The following TYK2 variants were observed in gnomAD, a reference collection of about 807,000 sequenced individuals.
TYK2 encodes the protein tyrosine kinase 2.
TYK2 carries 65 observed loss-of-function variants against 130.9 expected under a neutral mutation model. The observed-to-expected ratio is 0.50, with a 90% CI of 0.41 to 0.61. The LOEUF is 0.61. TYK2 is among the 20% of genes least tolerant of loss of function. TYK2 has a pLI of 0.00. For missense variants in TYK2, 1,378 were observed against 1,610.7 expected (o/e 0.86, Z 2.47); for synonymous variants, 647 against 658.9 (o/e 0.98, Z 0.28).
Position 10,361,107 on chromosome 19 carries a change from G to T in TYK2, c.2047+404C>A. 1 of 488,876 alleles carries T rather than the reference G, an allele frequency of 2.0e-6. No individual in the cohort carries two copies. The highest frequency in any genetic ancestry group is 1.6e-5 in the South Asian group (1 of 63,112). The allele number at this position is 488,876 out of a possible 1,614,324, so 30.3% of individuals were successfully genotyped here. A position where few individuals can be genotyped will look rare whatever the true frequency, so the allele number is the denominator to read the frequency against. The stretch of plus-strand genomic sequence containing the variant: ...GAAAGGAAGAGGTGGGGTTAGGCAG[G>T]GTTGGATGTGCAGGGGCTGAGGCCT... On this transcript the variant is annotated intron_variant, in intron 14 of 24. Coordinates refer to ENST00000525621, the MANE Select transcript of TYK2 (RefSeq NM_003331.5). This position sits in a 1 kb window ranked among gnomAD's most constrained non-coding sequence, Gnocchi z 4.0.
intron 3 of TYK2, among the ~76,000 whole-genome samples, chr19:10,371,390 C>T (rs928668728): frequency 2.0e-5 from 3 of 152,010 alleles, no homozygotes; most frequent in Non-Finnish European, 2.9e-5. Context: ...CCTGTAATCC[C>T]AGCACTTTGG....
At chr19:10,358,847 G>A (rs1410170606) in intron 15 of TYK2, among the ~76,000 whole-genome samples, 1 of 151,632 alleles carries the variant, frequency 6.6e-6, no homozygotes, top group African/African-American at 2.4e-5. Flanking sequence ...GATGGATCAC[G>A]AGGTCAGAAG....
intron 3 of TYK2, among the ~76,000 whole-genome samples, chr19:10,372,484 A>ATATATATT (rs1390400916): frequency 2.9e-4 from 11 of 37,424 alleles, no homozygotes; most frequent in African/African-American, 1.2e-3. Flanking sequence ...ATATATATAT[A>ATATATATT]TTTTTTTTTT....
intron 2 of TYK2, among the ~76,000 whole-genome samples, chr19:10,379,362 A>G (rs1599371353): frequency 6.7e-6 from 1 of 150,054 alleles, no homozygotes; most frequent in East Asian, 1.9e-4. Flanking sequence ...ATAAATAAGT[A>G]ATAAAAATAT....
intron 3 of TYK2, among the ~76,000 whole-genome samples, chr19:10,370,805 AG>A (rs1362631059): frequency 6.6e-6 from 1 of 152,088 alleles, no homozygotes; most frequent in Non-Finnish European, 1.5e-5. Flanking sequence ...TGAAAGAGTG[AG>A]GCTCTGTCTA....
Position 10,350,726 on chromosome 19 carries a change from G to A in TYK2, c.*108C>T. 3 of 1,361,504 alleles carry A rather than the reference G, an allele frequency of 2.2e-6. No individual in the cohort carries two copies. Among genetic ancestry groups the A allele is most frequent in the Non-Finnish European group, 2.1e-6 (2 of 974,636 alleles). The allele number at this position is 1,361,504 out of a possible 1,614,324, so 84.3% of individuals were successfully genotyped here. A position where few individuals can be genotyped will look rare whatever the true frequency, so the allele number is the denominator to read the frequency against. ...AGACAGGAGTAAGGCACACGGTGTGGGTGAGGCTGACATCCCCCTCTTGGT... is the reference window on the plus strand; with the variant it reads ...AGACAGGAGTAAGGCACACGGTGTGAGTGAGGCTGACATCCCCCTCTTGGT... On this transcript the variant is annotated 3_prime_UTR_variant, in exon 25 of 25. Transcript: ENST00000525621.
rs2040901794 is a variant in TYK2, at chr19:10,353,187, GA to G, written c.3028-90del. On this transcript the variant is annotated intron_variant, in intron 21 of 24. Coordinates refer to ENST00000525621, the MANE Select transcript of TYK2 (RefSeq NM_003331.5). The surrounding 1 kb of genome is among the most constrained non-coding windows in gnomAD (Gnocchi z 6.9). Reference sequence around the variant, plus strand: ...ACCTGAGCAGCCAGGAGGGCTGGGGGACAGTCAGGTCAGGCCGGTGGCTACC... The same window carrying G: ...ACCTGAGCAGCCAGGAGGGCTGGGGGCAGTCAGGTCAGGCCGGTGGCTACC... 8.1e-7 allele frequency: 1 copy of G among 1,240,638 alleles called. No homozygotes were observed. The highest frequency in any genetic ancestry group is 1.1e-6 in the Non-Finnish European group (1 of 933,090). 76.9% of individuals were successfully genotyped at this position (1,240,638 alleles called of 1,614,324 possible).
At chr19:10,354,287 C>G in intron 19 of TYK2, 53 bp from the exon 20 acceptor site, 1 of 1,592,582 alleles carries the variant, frequency 6.3e-7, no homozygotes, top group Non-Finnish European at 8.5e-7. Context: ...CTGCACCACT[C>G]CCCAACCCCC....
In TYK2 at chr19:10,361,956, C is replaced by T. The variant is rs1379679339; in HGVS notation, c.1774-1G>A. The stretch of plus-strand genomic sequence containing the variant: ...TTGTGCCCTGGCCCAAGTGGGACAG[C>T]TGCGGGATCATGTGGCACAGAATAC... On this transcript the variant is annotated splice_acceptor_variant, in intron 12 of 24. Coordinates refer to ENST00000525621, the MANE Select transcript of TYK2 (RefSeq NM_003331.5). LOFTEE classifies it high-confidence loss of function. This position sits in a 1 kb window ranked among gnomAD's most constrained non-coding sequence, Gnocchi z 4.0. 1 of 1,614,046 alleles carries T rather than the reference C, an allele frequency of 6.2e-7. No homozygotes were observed. Among genetic ancestry groups the T allele is most frequent in the East Asian group, 2.2e-5 (1 of 44,872 alleles).
rs139288588 is a variant in TYK2 at position 10,354,200 on chromosome 19, T to C, written c.2750A>G (p.Asp917Gly). The change falls in exon 20 of 25, where the codon GAT becomes GGT. Residue 917 changes from aspartate to glycine, a missense_variant. Physicochemically the swap from Asp to Gly is moderately conservative, Grantham distance 94. Transcript: ENST00000525621. ...HFGKVSLYCY[D>G]PTNDGTGEMV... Reference sequence around the variant, plus strand: ...CTCGCCAGTGCCGTCGTTGGTCGGATCGTAGCAGTACAAGCTGACCTTGCC... The same window carrying C: ...CTCGCCAGTGCCGTCGTTGGTCGGACCGTAGCAGTACAAGCTGACCTTGCC... 6.2e-7 allele frequency: 1 copy of C among 1,613,524 alleles called. No individual in the cohort carries two copies. Among genetic ancestry groups the C allele is most frequent in the Non-Finnish European group, 8.5e-7 (1 of 1,180,012 alleles).
intron 3 of TYK2, among the ~76,000 whole-genome samples, chr19:10,377,630 G>A: frequency 1.2e-5 from 1 of 80,350 alleles, no homozygotes; most frequent in Non-Finnish European, 2.4e-5. Flanking sequence ...GTGGATGGGT[G>A]GGTGGATGGA....
chr19:10,357,217 C>T, intron 17 of TYK2: 2 of 464,684 alleles, frequency 4.3e-6, no homozygotes, highest in Admixed American at 3.6e-5. Flanking sequence ...AATGAAACCC[C>T]ATCTCTACAA....
At chr19:10,355,747 A>C (rs1399285692) in intron 18 of TYK2, among the ~76,000 whole-genome samples, 1 of 148,444 alleles carries the variant, frequency 6.7e-6, no homozygotes, top group African/African-American at 2.5e-5. Context: ...GTGGATCACG[A>C]GGTCAAGAGA....
intron 3 of TYK2, among the ~76,000 whole-genome samples, chr19:10,372,472 ATATATATATATATTTTTTTTTTTTTT>A (rs1190705354): frequency 1.0e-4 from 6 of 59,236 alleles, no homozygotes; most frequent in African/African-American, 7.3e-4. Flanking sequence ...ATATATATAT[ATATATATATATATTTTTTTTTTTTTT>A]TTTTTTTTTG....
chr19:10,370,802 G>A (rs995886399), intron 3 of TYK2, among the ~76,000 whole-genome samples: 1 of 152,066 alleles, frequency 6.6e-6, no homozygotes, highest in African/African-American at 2.4e-5. Context: ...GGGTGAAAGA[G>A]TGAGGCTCTG....
At position 10,354,003 on chromosome 19, in the gene TYK2, G is replaced by A. The variant is rs758888163; in HGVS notation, c.2908+39C>T. On this transcript the variant is annotated intron_variant, in intron 20 of 24. Transcript: ENST00000525621. ...AAGGCCACACCCACGCTCTAACCAC[G>A]CCCCCTCAAGTCTCTAGGACTCGCC... 2.5e-6 allele frequency: 4 copies of A among 1,603,750 alleles called. No homozygotes were observed. The South Asian group carries it at 3.3e-5, about 13-fold the overall frequency.
At chr19:10,354,018 T>A (rs372200950) in intron 20 of TYK2, 24 bp downstream of exon 20, 1 of 1,611,988 alleles carries the variant, frequency 6.2e-7, no homozygotes, top group Non-Finnish European at 8.5e-7. Context: ...CTCAAGTCTC[T>A]AGGACTCGCC....
Position 10,356,616 on chromosome 19 carries a change from G to A in TYK2, c.2569C>T (p.Pro857Ser), listed in dbSNP as rs1356003138. Residue 857 changes from proline to serine, a missense_variant, in exon 18 of 25, where the codon CCA becomes TCA. Transcript: ENST00000525621. ...TCACGCAGGATGGTGCGGAATGATG[G>A]CCTCTGGGTTGGCTCATAGGTCAGA... is the stretch of plus-strand genomic sequence containing the variant. ...QCLTYEPTQR[P>S]SFRTILRDLT... 2 of 1,613,836 alleles carry A rather than the reference G, an allele frequency of 1.2e-6. No individual in the cohort carries two copies. The highest frequency in any genetic ancestry group is 3.3e-5 in the Admixed American group (2 of 59,996).
chr19:10,372,437 G>T (rs1295022838), intron 3 of TYK2, among the ~76,000 whole-genome samples: 5 of 124,282 alleles, frequency 4.0e-5, no homozygotes, highest in Admixed American at 3.4e-4. Context: ...GGGAAATACA[G>T]GAACACGCCA....
Sources: allele counts gnomAD v4.1 joint callset (sites outside exome capture counted in the v4.1 genomes callset), GRCh38; gene constraint gnomAD v4.1.1; non-coding constraint Gnocchi (gnomAD v3.1); transcripts MANE v1.5; gene names NCBI Gene and HGNC (gene_info 2026-07-23, HGNC 2026-07-21).